The following MFSD6 variants were observed in gnomAD, a reference collection of about 807,000 sequenced individuals.
MFSD6 encodes major facilitator superfamily domain-containing protein 6.
MFSD6 carries 26 observed loss-of-function variants against 56.3 expected under a neutral mutation model. The observed-to-expected ratio is 0.46, with a 90% CI of 0.34 to 0.64. The LOEUF (loss-of-function observed/expected upper bound fraction) is 0.64, where lower values mean the gene tolerates loss of function less well. Among genes scored for constraint, MFSD6 ranks in the 30% least tolerant of loss-of-function variants. The pLI, the probability that MFSD6 is intolerant of heterozygous loss-of-function variation, is 0.01. For synonymous variants in MFSD6, 331 were observed against 366.9 expected, an observed-to-expected ratio of 0.90 and a Z score of 1.12; for missense variants, 750 against 986.2, an observed-to-expected ratio of 0.76 and a Z score of 3.21.
At position 190,497,604 on chromosome 2, in the gene MFSD6, C is replaced by G; in HGVS notation, c.2057C>G (p.Pro686Arg). 1.9e-6 allele frequency: 3 copies of G among 1,614,146 alleles called. No individual in the cohort carries two copies. Among genetic ancestry groups the G allele is most frequent in the Non-Finnish European group, 2.5e-6 (3 of 1,180,026 alleles). ...GAAGAACAGGAAGATGTGAACAAAC[C>G]AGCCTGGGGAGTCAGCTCTTCTCCC... is the stretch of plus-strand genomic sequence containing the variant. The part of the protein sequence containing the change: ...HQEEQEDVNK[P>R]AWGVSSSPWV... Residue 686 changes from proline to arginine, a missense_variant, in exon 7 of 8, where the codon CCA (proline) becomes CGA (arginine). Pro to Arg is a moderately radical substitution (Grantham distance 103). Around this residue, in one of 5 missense-constraint regions of MFSD6, gnomAD observed 172 missense variants for 203.9 expected, o/e 0.84. Coordinates refer to ENST00000392328, the MANE Select transcript of MFSD6 (RefSeq NM_017694.4). The surrounding 1 kb of genome is among the most constrained non-coding windows in gnomAD (Gnocchi z 5.2).
rs778126811 is a variant in MFSD6, at chr2:190,454,863, T to C, written c.1533-14895T>C. On this transcript the variant is annotated intron_variant, in intron 3 of 7. Transcript: ENST00000392328. This position sits in a 1 kb window ranked among gnomAD's most constrained non-coding sequence, Gnocchi z 4.6. The stretch of plus-strand genomic sequence containing the variant: ...GGACCTATGGCCTAACATAGTGGGA[T>C]GATGGTAGGAGTGAGTCCGGCAACG... 2.0e-5 allele frequency among the ~76,000 whole-genome samples: 3 copies of C among 151,970 alleles called. No homozygotes were observed. The highest frequency in any genetic ancestry group is 4.4e-5 in the Non-Finnish European group (3 of 68,016).
intron 3 of MFSD6, chr2:190,464,908 T>C: frequency 1.7e-5 from 10 of 597,422 alleles, no homozygotes; most frequent in Non-Finnish European, 1.9e-5. Flanking sequence ...TGGCTTTTGG[T>C]GGGGGTGGGG....
In MFSD6 at chr2:190,485,736, C is replaced by T. The variant is rs762767415; in HGVS notation, c.1631-2921C>T. On this transcript the variant is annotated intron_variant, in intron 4 of 7. Coordinates refer to ENST00000392328, the MANE Select transcript of MFSD6 (RefSeq NM_017694.4). The surrounding 1 kb of genome is among the most constrained non-coding windows in gnomAD (Gnocchi z 5.1). ...ATTGTTTTGCCAGATAAAGCAAACA[C>T]GTTATTTGACTTCTTAGGAAATTAA... Among the ~76,000 whole-genome samples, 32 of 151,502 alleles carry T rather than the reference C, an allele frequency of 2.1e-4. No homozygotes were observed. Among genetic ancestry groups the T allele is most frequent in the Admixed American group, 6.6e-4 (10 of 15,216 alleles).
chr2:190,407,944 G>A (rs1027969588), upstream of MFSD6, among the ~76,000 whole-genome samples: 1 of 152,140 alleles, frequency 6.6e-6, no homozygotes, highest in African/African-American at 2.4e-5. This position sits in a 1 kb window ranked among gnomAD's most constrained non-coding sequence, Gnocchi z 5.4. Context: ...CATTGCCTGG[G>A]GGCTCAGCGG....
At chr2:190,444,377 C>T (rs1030219355) in intron 3 of MFSD6, among the ~76,000 whole-genome samples, 1 of 152,158 alleles carries the variant, frequency 6.6e-6, no homozygotes, top group African/African-American at 2.4e-5. Context: ...AACTTATAGG[C>T]ACTGTAGAAT....
At chr2:190,414,583 A>G (rs1486349938) in intron 1 of MFSD6, among the ~76,000 whole-genome samples, 1 of 152,192 alleles carries the variant, frequency 6.6e-6, no homozygotes, top group East Asian at 1.9e-4. Flanking sequence ...GTCCCTTTCA[A>G]TTCCGTATAC....
intron 2 of MFSD6, among the ~76,000 whole-genome samples, chr2:190,432,795 A>C: frequency 6.6e-6 from 1 of 151,802 alleles, no homozygotes; most frequent in African/African-American, 2.4e-5. Flanking sequence ...GCTCTATTTG[A>C]GCACCTCCCC....
In MFSD6 at chr2:190,485,269, T is replaced by C. The variant is rs1688946446; in HGVS notation, c.1631-3388T>C. On this transcript the variant is annotated intron_variant, in intron 4 of 7. Coordinates refer to ENST00000392328, the MANE Select transcript of MFSD6 (RefSeq NM_017694.4). The surrounding 1 kb of genome is among the most constrained non-coding windows in gnomAD (Gnocchi z 5.1). Reference sequence around the variant, plus strand: ...CTTAAAAGAATAACTGCTAGAATTGTTTTTTATCTAGAATTATAATAAATA... The same window carrying C: ...CTTAAAAGAATAACTGCTAGAATTGCTTTTTATCTAGAATTATAATAAATA... Among the ~76,000 whole-genome samples the C allele has an allele frequency of 6.6e-6, 1 of 152,172 alleles. No homozygotes were observed. Among genetic ancestry groups the C allele is most frequent in the African/African-American group, 2.4e-5 (1 of 41,462 alleles).
chr2:190,477,294 C>A (rs1015571642), intron 4 of MFSD6: 24 of 984,610 alleles, frequency 2.4e-5, no homozygotes, highest in Non-Finnish European at 2.8e-5. Flanking sequence ...GGATTTCCCA[C>A]CTCTGGTTCC....
At position 190,467,521 on chromosome 2, in the gene MFSD6, G is replaced by A. The variant is rs976261446; in HGVS notation, c.1533-2237G>A. ...CCAGCTAGTCAGGAGGCTGAGGCGG[G>A]AGAATTGCTTGAACCTGGGAGGCGG... On this transcript the variant is annotated intron_variant, in intron 3 of 7. Coordinates refer to ENST00000392328, the MANE Select transcript of MFSD6 (RefSeq NM_017694.4). The surrounding 1 kb of genome is among the most constrained non-coding windows in gnomAD (Gnocchi z 5.5). Among the ~76,000 whole-genome samples, 6 of 152,168 alleles carry A rather than the reference G, an allele frequency of 3.9e-5. No homozygotes were observed. The highest frequency in any genetic ancestry group is 6.5e-5 in the Admixed American group (1 of 15,284).
intron 1 of MFSD6, chr2:190,411,624 A>AT (rs1401954179): frequency 1.0e-6 from 1 of 977,676 alleles, no homozygotes; most frequent in Non-Finnish European, 1.2e-6. Context: ...GAATTAATTG[A>AT]TTTTATAACA....
In MFSD6 at chr2:190,471,073, C is replaced by T. The variant is rs957653527; in HGVS notation, c.1630+1218C>T. Among the ~76,000 whole-genome samples the T allele has an allele frequency of 2.0e-5, 3 of 152,158 alleles. 1 individual carries two copies. In the East Asian group the frequency reaches 5.8e-4, roughly 29 times the overall value. Reference sequence around the variant, plus strand: ...TGGAAGGGTCTTGAGGGGAGGCACACATCTCAGTTTTGTGTCATTTAAGAA... The same window carrying T: ...TGGAAGGGTCTTGAGGGGAGGCACATATCTCAGTTTTGTGTCATTTAAGAA... On this transcript the variant is annotated intron_variant, in intron 4 of 7. Coordinates refer to ENST00000392328, the MANE Select transcript of MFSD6 (RefSeq NM_017694.4). This position sits in a 1 kb window ranked among gnomAD's most constrained non-coding sequence, Gnocchi z 4.7.
Position 190,495,536 on chromosome 2 carries a change from C to G in MFSD6, c.1892-1903C>G, listed in dbSNP as rs1159334680. On this transcript the variant is annotated intron_variant, in intron 6 of 7. Coordinates refer to ENST00000392328, the MANE Select transcript of MFSD6 (RefSeq NM_017694.4). This position sits in a 1 kb window ranked among gnomAD's most constrained non-coding sequence, Gnocchi z 4.7. Reference sequence around the variant, plus strand: ...TGGAGCCAAAAAAGAGCCTGCATAGCCAAAGTGAGACTAAGCAAAAAGAAC... The same window carrying G: ...TGGAGCCAAAAAAGAGCCTGCATAGGCAAAGTGAGACTAAGCAAAAAGAAC... 6.6e-6 allele frequency among the ~76,000 whole-genome samples: 1 copy of G among 152,060 alleles called. No homozygotes were observed. Among genetic ancestry groups the G allele is most frequent in the Non-Finnish European group, 1.5e-5 (1 of 67,990 alleles).
intron 2 of MFSD6, among the ~76,000 whole-genome samples, chr2:190,432,274 A>T (rs115786492): frequency 0.012 from 1,780 of 152,236 alleles, 38 homozygotes; most frequent in African/African-American, 0.041. Flanking sequence ...GCCTCTGGGA[A>T]CCTCCTGAAG....
In MFSD6 at chr2:190,497,846, C is replaced by A; in HGVS notation, c.2172+127C>A. ...AAGTCTGGTGGGGGAAATAGACATG[C>A]AAACAATTTCAGTACTCTGTGAGCA... On this transcript the variant is annotated intron_variant, in intron 7 of 7. Transcript: ENST00000392328. This position sits in a 1 kb window ranked among gnomAD's most constrained non-coding sequence, Gnocchi z 5.2. 3.6e-6 allele frequency: 4 copies of A among 1,110,780 alleles called. No homozygotes were observed. The highest frequency in any genetic ancestry group is 5.1e-6 in the Non-Finnish European group (4 of 785,446). 68.8% of individuals were successfully genotyped at this position (1,110,780 alleles called of 1,614,324 possible).
chr2:190,455,934 C>CTTTTTTTTTTTTTTTTTT (rs34054506), intron 3 of MFSD6, among the ~76,000 whole-genome samples: 1 of 65,370 alleles, frequency 1.5e-5, no homozygotes, highest in African/African-American at 6.6e-5. Context: ...ATTTACTCTG[C>CTTTTTTTTTTTTTTTTTT]TTTTTTTTTT....
intron 6 of MFSD6, among the ~76,000 whole-genome samples, chr2:190,493,047 T>C (rs572672844): frequency 6.6e-6 from 1 of 152,138 alleles, no homozygotes; most frequent in South Asian, 2.1e-4. Flanking sequence ...TAACATTGAA[T>C]GTAAATGGCC....
chr2:190,497,627 C>T lies in MFSD6; in HGVS notation c.2080C>T (p.Pro694Ser). ...NKPAWGVSSS[P>S]WVTFVYALYQ... Reference sequence around the variant, plus strand: ...ACCAGCCTGGGGAGTCAGCTCTTCTCCCTGGGTGACCTTTGTCTATGCACT... The same window carrying T: ...ACCAGCCTGGGGAGTCAGCTCTTCTTCCTGGGTGACCTTTGTCTATGCACT... Residue 694 changes from proline to serine, a missense_variant, in exon 7 of 8, where the codon CCC becomes TCC. Physicochemically the swap from Pro to Ser is moderately conservative, Grantham distance 74. Around this residue, in one of 5 missense-constraint regions of MFSD6, gnomAD observed 172 missense variants for 203.9 expected, o/e 0.84. Transcript: ENST00000392328. The surrounding 1 kb of genome is among the most constrained non-coding windows in gnomAD (Gnocchi z 5.2). 1 of 1,614,118 alleles carries T rather than the reference C, an allele frequency of 6.2e-7. No homozygotes were observed. Among genetic ancestry groups the T allele is most frequent in the Non-Finnish European group, 8.5e-7 (1 of 1,180,006 alleles).
chr2:190,479,467 C>T (rs1449370311), intron 4 of MFSD6, among the ~76,000 whole-genome samples: 1 of 152,090 alleles, frequency 6.6e-6, no homozygotes, highest in Non-Finnish European at 1.5e-5. Flanking sequence ...TTTCTCAAGA[C>T]CTCATTTTAA....
Sources: gnomAD v4.1 joint callset for allele counts (sites outside exome capture counted in the v4.1 genomes callset) on GRCh38, gnomAD v4.1.1 for gene constraint, gnomAD v4.1.1 regional missense constraint, Gnocchi (gnomAD v3.1) non-coding constraint, MANE v1.5 for transcripts, NCBI Gene and HGNC (gene_info 2026-07-23, HGNC 2026-07-21) for gene names.